The following SORCS2 variants were observed in gnomAD, a reference collection of about 807,000 sequenced individuals.
SORCS2 encodes sortilin related VPS10 domain containing receptor 2, also known as VPS10 domain-containing receptor SorCS2.
In SORCS2, 100 loss-of-function variants were observed where a neutral mutation model predicts 141.6. That is an observed-to-expected ratio of 0.71 (90% CI 0.60 to 0.83). The LOEUF is 0.83. Ranked by LOEUF, SORCS2 falls within the 40% of genes least tolerant of loss-of-function variation. The pLI, the probability that SORCS2 is intolerant of heterozygous loss-of-function variation, is 0.00. For synonymous variants in SORCS2, 789 were observed against 676.9 expected (o/e 1.17, Z -2.57); for missense variants, 1,646 against 1,560.2 (o/e 1.05, Z -0.93).
At chr4:7,518,459 T>G (rs996343780) in intron 2 of SORCS2, among the ~76,000 whole-genome samples, 1 of 152,184 alleles carries the variant, frequency 6.6e-6, no homozygotes, top group African/African-American at 2.4e-5. Flanking sequence ...GGTGCAAAAG[T>G]TCTTTTGCTG....
intron 9 of SORCS2, among the ~76,000 whole-genome samples, chr4:7,678,192 G>T (rs1723288638): frequency 6.6e-6 from 1 of 152,128 alleles, no homozygotes; most frequent in African/African-American, 2.4e-5. Context: ...GCCAGCCTGG[G>T]GCAGGAGTCA....
At chr4:7,726,283 G>A (rs987976818) in intron 20 of SORCS2, among the ~76,000 whole-genome samples, 2 of 152,238 alleles carry the variant, frequency 1.3e-5, no homozygotes, top group Non-Finnish European at 2.9e-5. Context: ...GGGCAGGCCT[G>A]GGGAGCTGTT....
intron 1 of SORCS2, among the ~76,000 whole-genome samples, chr4:7,264,081 G>A (rs968326469): frequency 6.6e-6 from 1 of 152,206 alleles, no homozygotes; most frequent in African/African-American, 2.4e-5. Flanking sequence ...GAGCAGAGAA[G>A]TAGAGAGACA....
At chr4:7,620,705 G>A (rs1241051628) in intron 3 of SORCS2, among the ~76,000 whole-genome samples, 1 of 152,226 alleles carries the variant, frequency 6.6e-6, no homozygotes, top group Non-Finnish European at 1.5e-5. Context: ...CCCATAGGTT[G>A]GCCTGGAAGG....
intron 1 of SORCS2, among the ~76,000 whole-genome samples, chr4:7,305,425 C>G (rs1717749617): frequency 6.6e-6 from 1 of 151,234 alleles, no homozygotes; most frequent in Admixed American, 6.6e-5. Context: ...AGGAGGGGTG[C>G]CCGGCCAGTG....
chr4:7,639,732 GGTGT>G (rs961762274), intron 4 of SORCS2, among the ~76,000 whole-genome samples: 1 of 149,902 alleles, frequency 6.7e-6, no homozygotes, highest in Non-Finnish European at 1.5e-5. Context: ...AGTGGGTGTG[GGTGT>G]GAGACTGTGA....
rs545049949 is a variant in SORCS2 at position 7,536,704 on chromosome 4, A to C, written c.648+5075A>C. Among the ~76,000 whole-genome samples the C allele has an allele frequency of 1.1e-4, 17 of 152,342 alleles. No individual in the cohort carries two copies. The Middle Eastern group carries it at 0.017, about 152-fold the overall frequency. On this transcript the variant is annotated intron_variant, in intron 3 of 26. Coordinates refer to ENST00000507866, the MANE Select transcript of SORCS2 (RefSeq NM_020777.3). Reference sequence around the variant, plus strand: ...AGATATTTCAATGTAATATGAAGCAAAAATGGCCTTTATCATTGCATGAAA... The same window carrying C: ...AGATATTTCAATGTAATATGAAGCACAAATGGCCTTTATCATTGCATGAAA...
intron 8 of SORCS2, among the ~76,000 whole-genome samples, chr4:7,668,172 G>A (rs1218988455): frequency 1.3e-5 from 2 of 152,212 alleles, no homozygotes; most frequent in African/African-American, 2.4e-5. Flanking sequence ...GGAACAGGCA[G>A]GAGATCCAGT....
At chr4:7,373,476 ATATTTTTTTTT>A (rs1256392551) in intron 1 of SORCS2, among the ~76,000 whole-genome samples, 393 of 44,478 alleles carry the variant, frequency 8.8e-3, no homozygotes, top group South Asian at 0.014. Flanking sequence ...ATATATATAT[ATATTTTTTTTT>A]TTTTTTTTTT....
intron 2 of SORCS2, among the ~76,000 whole-genome samples, chr4:7,473,859 A>T (rs1577623160): frequency 1.3e-5 from 2 of 151,986 alleles, no homozygotes; most frequent in African/African-American, 4.8e-5. Flanking sequence ...GTCTGGGGGG[A>T]GAGGGGTTCC....
At chr4:7,200,467 C>G (rs1490473784) in intron 1 of SORCS2, among the ~76,000 whole-genome samples, 1 of 152,216 alleles carries the variant, frequency 6.6e-6, no homozygotes, top group Non-Finnish European at 1.5e-5. Context: ...GTTTCCCCAT[C>G]TGTAAGGTGA....
At chr4:7,371,360 C>A (rs1394337887) in intron 1 of SORCS2, among the ~76,000 whole-genome samples, 1 of 152,176 alleles carries the variant, frequency 6.6e-6, no homozygotes, top group Non-Finnish European at 1.5e-5. Context: ...GAGAACCTTG[C>A]CGCACTCCCC....
chr4:7,547,783 C>T (rs942488476), intron 3 of SORCS2, among the ~76,000 whole-genome samples: 8 of 152,236 alleles, frequency 5.3e-5, no homozygotes, highest in Admixed American at 2.0e-4. Context: ...TCTTCCTTAC[C>T]CCACAGATGC....
chr4:7,243,700 G>C (rs1488417581), intron 1 of SORCS2, among the ~76,000 whole-genome samples: 1 of 152,234 alleles, frequency 6.6e-6, no homozygotes, highest in Non-Finnish European at 1.5e-5. Flanking sequence ...CATGTGGTTT[G>C]CACAAACAGC....
At chr4:7,588,085 G>A (rs2108770062) in intron 3 of SORCS2, among the ~76,000 whole-genome samples, 1 of 152,318 alleles carries the variant, frequency 6.6e-6, no homozygotes, top group South Asian at 2.1e-4. Context: ...CCTGGAGAGA[G>A]GAGATCAGCG....
intron 11 of SORCS2, among the ~76,000 whole-genome samples, chr4:7,691,821 A>G (rs1048189766): frequency 1.3e-5 from 2 of 152,050 alleles, no homozygotes; most frequent in Non-Finnish European, 2.9e-5. Context: ...GCAAAAAGGC[A>G]TGATTTCCAA....
chr4:7,685,793 G>A (rs550553121), intron 10 of SORCS2, among the ~76,000 whole-genome samples: 1 of 152,278 alleles, frequency 6.6e-6, no homozygotes, highest in East Asian at 1.9e-4. Context: ...GACAAGTTGG[G>A]CCACTCACAG....
chr4:7,494,667 A>G (rs1314701907), intron 2 of SORCS2, among the ~76,000 whole-genome samples: 2 of 152,202 alleles, frequency 1.3e-5, no homozygotes, highest in East Asian at 1.9e-4. Context: ...GGGCCTCAGC[A>G]TGTGCATTCT....
chr4:7,382,632 C>G (rs953521977), intron 1 of SORCS2, among the ~76,000 whole-genome samples: 1 of 152,144 alleles, frequency 6.6e-6, no homozygotes, highest in Non-Finnish European at 1.5e-5. Context: ...TTAACAGGGT[C>G]CACAGCTGGA....
Sources: gnomAD v4.1 joint callset for allele counts (sites outside exome capture counted in the v4.1 genomes callset) on GRCh38, gnomAD v4.1.1 for gene constraint, MANE v1.5 for transcripts, NCBI Gene and HGNC (gene_info 2026-07-23, HGNC 2026-07-21) for gene names.